The following GRB14 variants were observed in gnomAD, a reference collection of about 807,000 sequenced individuals.
GRB14 encodes the protein growth factor receptor bound protein 14, also known as growth factor receptor-bound protein 14.
A neutral mutation model predicts 69.1 loss-of-function variants in GRB14; 38 were observed. The ratio of observed to expected loss-of-function variants is 0.55; its 90% CI spans 0.42 to 0.72. The LOEUF is 0.72. Among genes scored for constraint, GRB14 ranks in the 30% least tolerant of loss-of-function variants. GRB14 has a pLI of 0.00. For missense variants in GRB14, 666 were observed against 666.1 expected (o/e 1.00, Z 0.00); for synonymous variants, 247 against 241.3 (o/e 1.02, Z -0.22).
chr2:164,504,645 C>A (rs1274607963), intron 8 of GRB14, among the ~76,000 whole-genome samples: 1 of 152,170 alleles, frequency 6.6e-6, no homozygotes, highest in East Asian at 1.9e-4. Context: ...CTCCTTCCCT[C>A]TTCAGCCTCA....
intron 2 of GRB14, among the ~76,000 whole-genome samples, chr2:164,552,748 T>C (rs984326967): frequency 6.6e-6 from 1 of 152,232 alleles, no homozygotes; most frequent in Non-Finnish European, 1.5e-5. Context: ...TTCTCATGTT[T>C]GCATCTTGGT....
intron 6 of GRB14, 63 bp from the exon 7 acceptor site, chr2:164,508,915 T>G (rs1687266794): frequency 9.3e-7 from 1 of 1,073,624 alleles, no homozygotes; most frequent in Non-Finnish European, 1.3e-6. Flanking sequence ...TGTGTTTATA[T>G]TATATAATTT....
chr2:164,511,690 T>C (rs1443952190), intron 6 of GRB14, among the ~76,000 whole-genome samples: 1 of 152,106 alleles, frequency 6.6e-6, no homozygotes, highest in Non-Finnish European at 1.5e-5. Flanking sequence ...CTAGCACATT[T>C]GCAGTTGTGG....
chr2:164,595,344 T>C (rs1291068967), intron 2 of GRB14, among the ~76,000 whole-genome samples: 1 of 152,150 alleles, frequency 6.6e-6, no homozygotes, highest in Non-Finnish European at 1.5e-5. Flanking sequence ...CAAAAGCAGA[T>C]ATAAAAAACT....
At chr2:164,566,429 A>T (rs1165536614) in intron 2 of GRB14, among the ~76,000 whole-genome samples, 3 of 152,188 alleles carry the variant, frequency 2.0e-5, no homozygotes, top group Admixed American at 1.3e-4. Context: ...TCACTGAAAA[A>T]AATAGCATAG....
chr2:164,559,274 T>C (rs1252513833), intron 2 of GRB14, among the ~76,000 whole-genome samples: 1 of 152,112 alleles, frequency 6.6e-6, no homozygotes, highest in Non-Finnish European at 1.5e-5. Flanking sequence ...TTCTAAATAT[T>C]TATTTATTTA....
At chr2:164,591,258 A>G (rs906831670) in intron 2 of GRB14, among the ~76,000 whole-genome samples, 30 of 152,314 alleles carry the variant, frequency 2.0e-4, no homozygotes, top group African/African-American at 6.5e-4. Context: ...TCATCATACC[A>G]CAGAAGTACC....
chr2:164,549,197 T>G (rs912191169), intron 2 of GRB14, among the ~76,000 whole-genome samples: 1 of 152,180 alleles, frequency 6.6e-6, no homozygotes, highest in African/African-American at 2.4e-5. Context: ...CATTTTTAAT[T>G]GGGTTAATTG....
intron 2 of GRB14, among the ~76,000 whole-genome samples, chr2:164,556,308 GT>G (rs1688676701): frequency 6.6e-6 from 1 of 152,256 alleles, no homozygotes; most frequent in African/African-American, 2.4e-5. Flanking sequence ...ACAGTATATA[GT>G]TTTGAGAAAT....
intron 12 of GRB14, among the ~76,000 whole-genome samples, chr2:164,495,786 C>T (rs1686877538): frequency 6.6e-6 from 1 of 152,140 alleles, no homozygotes; most frequent in African/African-American, 2.4e-5. Flanking sequence ...AATTCTTTTC[C>T]CATTCCCAAG....
Position 164,577,285 on chromosome 2 carries a change from G to T in GRB14, c.325-29469C>A, listed in dbSNP as rs188356571. On this transcript the variant is annotated intron_variant, in intron 2 of 13. Coordinates refer to ENST00000263915, the MANE Select transcript of GRB14 (RefSeq NM_004490.3). Reference sequence around the variant, plus strand: ...GCAGACAAACAAGATCAATGAGGGGGATCTTCACATACCTGGTGTACCTAA... The same window carrying T: ...GCAGACAAACAAGATCAATGAGGGGTATCTTCACATACCTGGTGTACCTAA... Among the ~76,000 whole-genome samples, 334 of 151,998 alleles carry T rather than the reference G, an allele frequency of 2.2e-3. 8 individuals are homozygous for T. Among genetic ancestry groups the T allele is most frequent in the African/African-American group, 6.6e-3 (274 of 41,474 alleles).
Position 164,619,707 on chromosome 2 carries a change from CT to C in GRB14, c.303del (p.Ala102GlnfsTer8). On this transcript the variant is annotated frameshift_variant, in exon 2 of 14. Transcript: ENST00000263915. LOFTEE classifies it high-confidence loss of function. ...TSVLSADLFP[K>X]ANSRKKQVIK... ...CATACCTGTTTTTTCCTTGAATTTG[CT>C]TTGGGAAATAGGTCTGCTGACAACA... 1 of 1,579,170 alleles carries C rather than the reference CT, an allele frequency of 6.3e-7. No individual in the cohort carries two copies. The highest frequency in any genetic ancestry group is 8.5e-7 in the Non-Finnish European group (1 of 1,170,386).
chr2:164,610,233 C>T (rs1357571935), intron 2 of GRB14, among the ~76,000 whole-genome samples: 5 of 152,186 alleles, frequency 3.3e-5, no homozygotes, highest in African/African-American at 9.7e-5. Flanking sequence ...AAAACATTTG[C>T]TAGCATATAC....
intron 2 of GRB14, among the ~76,000 whole-genome samples, chr2:164,574,845 A>G (rs930786229): frequency 6.6e-6 from 1 of 151,864 alleles, no homozygotes; most frequent in Non-Finnish European, 1.5e-5. Context: ...TCAAGAGGCT[A>G]AGCCAGGAGG....
At chr2:164,506,447 A>C (rs559235386) in intron 8 of GRB14, among the ~76,000 whole-genome samples, 2 of 152,342 alleles carry the variant, frequency 1.3e-5, no homozygotes, top group South Asian at 4.1e-4. Context: ...GAACCAAAAA[A>C]AGTAAATAAC....
intron 2 of GRB14, among the ~76,000 whole-genome samples, chr2:164,597,890 C>A (rs998677033): frequency 7.2e-5 from 11 of 151,982 alleles, no homozygotes; most frequent in African/African-American, 2.4e-4. Context: ...AGCTGTTGGG[C>A]AGATAGAAAG....
intron 12 of GRB14, among the ~76,000 whole-genome samples, chr2:164,495,285 C>G (rs1261936283): frequency 2.0e-5 from 3 of 151,958 alleles, no homozygotes; most frequent in Non-Finnish European, 4.4e-5. Flanking sequence ...TACTGGATAC[C>G]CTTTCTTTTG....
chr2:164,503,664 C>T (rs1386362795), intron 8 of GRB14, among the ~76,000 whole-genome samples: 2 of 152,084 alleles, frequency 1.3e-5, no homozygotes, highest in Non-Finnish European at 2.9e-5. Flanking sequence ...CAAATCAACT[C>T]TAAGCCTACA....
chr2:164,497,454 A>G lies in GRB14; in HGVS notation c.1141T>C (p.Phe381Leu). The G allele has an allele frequency of 6.2e-7, 1 of 1,613,122 alleles. No individual in the cohort carries two copies. Among genetic ancestry groups the G allele is most frequent in the South Asian group, 1.1e-5 (1 of 90,944 alleles). Reference protein sequence around the residue: ...ISENSLVAMDFSGQKSRVIEN... With the variant: ...ISENSLVAMDLSGQKSRVIEN... Reference sequence around the variant, plus strand: ...ATAACTCTGCTTTTCTGGCCTGAGAAGTCCATTGCTACCAGGGAATTCTCT... The same window carrying G: ...ATAACTCTGCTTTTCTGGCCTGAGAGGTCCATTGCTACCAGGGAATTCTCT... The change falls in exon 10 of 14, where the codon TTC (phenylalanine) becomes CTC (leucine). Residue 381 changes from phenylalanine to leucine, a missense_variant. Transcript: ENST00000263915.
Sources: gnomAD v4.1 joint callset for allele counts (sites outside exome capture counted in the v4.1 genomes callset) on GRCh38, gnomAD v4.1.1 for gene constraint, MANE v1.5 for transcripts, NCBI Gene and HGNC (gene_info 2026-07-23, HGNC 2026-07-21) for gene names.